ENOX1: variants seen among roughly 807,000 people sequenced by gnomAD.
ENOX1 encodes ecto-NOX disulfide-thiol exchanger 1.
ENOX1 carries 42 observed loss-of-function variants against 82.5 expected under a neutral mutation model. The ratio of observed to expected loss-of-function variants is 0.51; its 90% CI spans 0.40 to 0.66. The LOEUF (loss-of-function observed/expected upper bound fraction) is 0.66. Among genes scored for constraint, ENOX1 ranks in the 30% least tolerant of loss-of-function variants. The probability of loss-of-function intolerance (pLI) is 0.00; values close to 1 mark genes in which losing one functional copy is unlikely to be tolerated. For missense variants in ENOX1, 608 were observed against 811.6 expected, an observed-to-expected ratio of 0.75 and a Z score of 3.05; for synonymous variants, 271 against 282.2, an observed-to-expected ratio of 0.96 and a Z score of 0.40.
intron 1 of ENOX1, among the ~76,000 whole-genome samples, chr13:43,773,977 T>C (rs1453595090): frequency 6.6e-6 from 1 of 152,176 alleles, no homozygotes; most frequent in Admixed American, 6.5e-5. Flanking sequence ...AAAAATAAAA[T>C]GTTAGTTATT....
chr13:43,725,294 C>T (rs771539000), intron 1 of ENOX1, among the ~76,000 whole-genome samples: 2 of 152,100 alleles, frequency 1.3e-5, no homozygotes, highest in Non-Finnish European at 2.9e-5. Context: ...GAGCCAAATG[C>T]AATGACTACA....
chr13:43,701,612 T>C (rs764920673), intron 1 of ENOX1, among the ~76,000 whole-genome samples: 93 of 152,328 alleles, frequency 6.1e-4, no homozygotes, highest in Non-Finnish European at 1.2e-3. Context: ...AATCCCCTTT[T>C]AAAATGCAAA....
rs77660120 is a variant in ENOX1, at chr13:43,405,134, T to C, written c.208+6782A>G. On this transcript the variant is annotated intron_variant, in intron 5 of 16. Coordinates refer to ENST00000690772, the MANE Select transcript of ENOX1 (RefSeq NM_001347969.2). ...TATCAACAGACAGTCCTGAGTGTAT[T>C]TGTAAGCTGAAGAGACAGTTTCAGG... 1.2e-3 allele frequency among the ~76,000 whole-genome samples: 177 copies of C among 152,340 alleles called. 3 individuals carry two copies. The East Asian group carries it at 0.031, about 27-fold the overall frequency.
intron 3 of ENOX1, among the ~76,000 whole-genome samples, chr13:43,417,242 C>CGGGAGACGGGATAGGGAGAGGGAGA: frequency 1.2e-5 from 1 of 82,772 alleles, no homozygotes; most frequent in Non-Finnish European, 2.4e-5. Context: ...AGACGGGAGA[C>CGGGAGACGGGATAGGGAGAGGGAGA]GGGAGAGGGA....
At chr13:43,670,542 C>A (rs1003550329) in intron 1 of ENOX1, among the ~76,000 whole-genome samples, 7 of 152,070 alleles carry the variant, frequency 4.6e-5, no homozygotes, top group Non-Finnish European at 8.8e-5. Flanking sequence ...CCTTAAGACA[C>A]AACTGAATTA....
At chr13:43,385,707 A>G (rs947383786) in intron 5 of ENOX1, among the ~76,000 whole-genome samples, 1 of 152,200 alleles carries the variant, frequency 6.6e-6, no homozygotes, top group African/African-American at 2.4e-5. Context: ...GAATGATATC[A>G]ACTTTTTAGG....
At chr13:43,776,087 G>A (rs996751825) in intron 1 of ENOX1, among the ~76,000 whole-genome samples, 5 of 152,190 alleles carry the variant, frequency 3.3e-5, no homozygotes, top group Non-Finnish European at 7.3e-5. Flanking sequence ...ATGCAGTAAA[G>A]TGCCAGCCAA....
intron 1 of ENOX1, among the ~76,000 whole-genome samples, chr13:43,718,453 C>G (rs1400839489): frequency 6.6e-6 from 1 of 151,984 alleles, no homozygotes; most frequent in Non-Finnish European, 1.5e-5. Context: ...ACCTGGAGGA[C>G]AATATCATTT....
At chr13:43,322,180 C>T (rs143175389) in intron 11 of ENOX1, among the ~76,000 whole-genome samples, 132 of 152,260 alleles carry the variant, frequency 8.7e-4, no homozygotes, top group African/African-American at 2.8e-3. Flanking sequence ...GATCTACGTA[C>T]GGAGAAACAA....
At chr13:43,574,962 A>C (rs887292867) in intron 2 of ENOX1, among the ~76,000 whole-genome samples, 2 of 152,198 alleles carry the variant, frequency 1.3e-5, no homozygotes, top group Non-Finnish European at 2.9e-5. Flanking sequence ...GGGAAGGAAA[A>C]GCAGTGCGCC....
chr13:43,282,401 C>T (rs1258284822), intron 12 of ENOX1, among the ~76,000 whole-genome samples: 2 of 150,584 alleles, frequency 1.3e-5, no homozygotes, highest in Non-Finnish European at 3.0e-5. Context: ...GAAAGTGTGT[C>T]TTCCTTTTGT....
chr13:43,571,832 C>T (rs1420783041), intron 2 of ENOX1, among the ~76,000 whole-genome samples: 2 of 152,130 alleles, frequency 1.3e-5, no homozygotes. Context: ...TAAGTCCTTC[C>T]CAGCAATCTC....
intron 1 of ENOX1, among the ~76,000 whole-genome samples, chr13:43,768,464 A>G (rs1444819264): frequency 6.6e-6 from 1 of 152,056 alleles, no homozygotes. Context: ...AACAAAACAA[A>G]TTTTAAAACT....
At chr13:43,526,313 T>C (rs2077988924) in intron 2 of ENOX1, among the ~76,000 whole-genome samples, 1 of 152,134 alleles carries the variant, frequency 6.6e-6, no homozygotes, top group South Asian at 2.1e-4. Context: ...CACTTTTTCA[T>C]CATCCTTTAA....
chr13:43,340,423 C>T (rs1344415239), intron 9 of ENOX1, among the ~76,000 whole-genome samples: 1 of 152,234 alleles, frequency 6.6e-6, no homozygotes, highest in Admixed American at 6.5e-5. Flanking sequence ...GTAGGATTTT[C>T]ACAATCTCGG....
At chr13:43,335,516 G>A (rs1566540748) in intron 9 of ENOX1, among the ~76,000 whole-genome samples, 2 of 152,028 alleles carry the variant, frequency 1.3e-5, no homozygotes. Context: ...CGCCTGATGT[G>A]GGGCAGTGGC....
At chr13:43,604,455 TGTTG>T (rs1313586397) in intron 2 of ENOX1, among the ~76,000 whole-genome samples, 3 of 152,206 alleles carry the variant, frequency 2.0e-5, no homozygotes, top group African/African-American at 4.8e-5. Context: ...CAATACTAGC[TGTTG>T]GTTGGTTATG....
intron 2 of ENOX1, among the ~76,000 whole-genome samples, chr13:43,600,305 C>T (rs1436820887): frequency 3.3e-5 from 5 of 152,150 alleles, no homozygotes; most frequent in African/African-American, 1.2e-4. Flanking sequence ...AAGTTCACTG[C>T]CCTGAAGGGA....
intron 9 of ENOX1, among the ~76,000 whole-genome samples, chr13:43,327,046 G>T (rs1047678575): frequency 6.6e-6 from 1 of 152,100 alleles, no homozygotes; most frequent in African/African-American, 2.4e-5. Flanking sequence ...ATGAATAGCC[G>T]TGCCATGTCT....
Sources: allele counts gnomAD v4.1 joint callset (sites outside exome capture counted in the v4.1 genomes callset), GRCh38; gene constraint gnomAD v4.1.1; transcripts MANE v1.5; gene names NCBI Gene and HGNC (gene_info 2026-07-23, HGNC 2026-07-21).